Variants in SQSTM1 observed in about 807,000 individuals in gnomAD.
SQSTM1 encodes the protein sequestosome-1.
SQSTM1 carries 36 observed loss-of-function variants against 45.1 expected under a neutral mutation model. That is an observed-to-expected ratio of 0.80 (90% CI 0.61 to 1.05). SQSTM1 has a LOEUF of 1.05. Among genes scored for constraint, SQSTM1 ranks in the 50% least tolerant of loss-of-function variants. The pLI is 0.00. For synonymous variants in SQSTM1, 290 were observed against 244.3 expected, an observed-to-expected ratio of 1.19 and a Z score of -1.74; for missense variants, 617 against 607.1, an observed-to-expected ratio of 1.02 and a Z score of -0.17.
chr5:179,834,464 G>A (rs1758414736), intron 7 of SQSTM1, among the ~76,000 whole-genome samples: 1 of 151,718 alleles, frequency 6.6e-6, no homozygotes, highest in Non-Finnish European at 1.5e-5. Context: ...CTCGCAGAGG[G>A]GGATTTGGCA....
rs537749310 is a variant in SQSTM1, at chr5:179,821,636, C to T, written c.205+495C>T. 48 of 415,182 alleles carry T rather than the reference C, an allele frequency of 1.2e-4. No homozygotes were observed. In the East Asian group the frequency reaches 3.4e-3, roughly 30 times the overall value. The allele number at this position is 415,182 out of a possible 1,614,324, so 25.7% of individuals were successfully genotyped here. On this transcript the variant is annotated intron_variant, in intron 1 of 7. Transcript: ENST00000389805. ...ACGCGGGTAAACAAGCGCGGGGGTG[C>T]GGGGGACTCGCGAGCGCCGCGACAG...
chr5:179,810,774 C>T (rs962431716), intron 1 of SQSTM1, among the ~76,000 whole-genome samples: 3 of 152,216 alleles, frequency 2.0e-5, no homozygotes, highest in African/African-American at 7.2e-5. Context: ...CTCTCCAGCA[C>T]CTGTTGTTTC....
At chr5:179,814,797 T>C (rs1757531853), upstream of SQSTM1, among the ~76,000 whole-genome samples, 1 of 152,144 alleles carries the variant, frequency 6.6e-6, no homozygotes, top group Non-Finnish European at 1.5e-5. Context: ...GGCTCACGCC[T>C]CTAATCCCAG....
chr5:179,834,803 C>T (rs1484551292), intron 7 of SQSTM1, among the ~76,000 whole-genome samples: 8 of 152,246 alleles, frequency 5.3e-5, no homozygotes, highest in Non-Finnish European at 1.2e-4. Flanking sequence ...ATGTCTACTT[C>T]TTTCCACACA....
Position 179,837,021 on chromosome 5 carries a change from G to C in SQSTM1, c.*428G>C. On this transcript the variant is annotated 3_prime_UTR_variant, in exon 8 of 8. Coordinates refer to ENST00000389805, the MANE Select transcript of SQSTM1 (RefSeq NM_003900.5). ...CTGATTTTAGATAAAGTAAGCCTAGGTGTTGTCAGCAGGCAGGCTGGGGAG... is the reference window on the plus strand; with the variant it reads ...CTGATTTTAGATAAAGTAAGCCTAGCTGTTGTCAGCAGGCAGGCTGGGGAG... The C allele has an allele frequency of 3.2e-6, 2 of 627,918 alleles. No individual in the cohort carries two copies. Among genetic ancestry groups the C allele is most frequent in the Non-Finnish European group, 5.6e-6 (2 of 355,506 alleles). 38.9% of individuals were successfully genotyped at this position (627,918 alleles called of 1,614,324 possible). A position where few individuals can be genotyped will look rare whatever the true frequency, so the allele number is the denominator to read the frequency against.
intron 5 of SQSTM1, among the ~76,000 whole-genome samples, chr5:179,830,805 C>T (rs1286580722): frequency 6.6e-6 from 1 of 151,914 alleles, no homozygotes; most frequent in South Asian, 2.1e-4. Flanking sequence ...ATCTACCTGC[C>T]TTCGTCTCCC....
At chr5:179,829,988 T>C (rs72813725) in intron 5 of SQSTM1, among the ~76,000 whole-genome samples, 5,396 of 152,228 alleles carry the variant, frequency 0.035, 168 homozygotes, top group African/African-American at 0.073. Context: ...TGTGTACTTA[T>C]GGCCCCAGCT....
chr5:179,835,086 T>A, intron 7 of SQSTM1: 1 of 203,444 alleles, frequency 4.9e-6, no homozygotes, highest in South Asian at 5.5e-5. Flanking sequence ...ACCTCCCGGA[T>A]GGGGTCGCGG....
At chr5:179,816,273 C>T (rs78025137), upstream of SQSTM1, among the ~76,000 whole-genome samples, 1 of 152,158 alleles carries the variant, frequency 6.6e-6, no homozygotes, top group African/African-American at 2.4e-5. Context: ...CTCAGCCTCC[C>T]GACTAGCTGG....
chr5:179,812,093 C>G (rs1051695469), intron 2 of SQSTM1: 1 of 152,242 alleles, frequency 6.6e-6, no homozygotes, highest in South Asian at 2.1e-4. Context: ...CGTGAGCCAC[C>G]GCGCCCACCC....
In SQSTM1 at chr5:179,824,223, A is replaced by C. The variant is rs1757907900; in HGVS notation, c.573A>C (p.Gly191=). 6 of 1,613,846 alleles carry C rather than the reference A, an allele frequency of 3.7e-6. No individual in the cohort carries two copies. In the East Asian group the frequency reaches 1.3e-4, roughly 36 times the overall value. ...GCTGGCTCCGGAAGGTGAAACACGG[A>C]CACTTCGGGTGGCCAGGATGGGAAA... The part of the protein sequence containing the change: ...HSRWLRKVKH[G]HFGWPGWEMG... Residue 191 remains glycine (G), a synonymous_variant, in exon 4 of 8, where the codon GGA becomes GGC. Coordinates refer to ENST00000389805, the MANE Select transcript of SQSTM1 (RefSeq NM_003900.5).
rs761822261 is a variant in SQSTM1, at chr5:179,824,300, G to A, written c.650G>A (p.Arg217His). The change falls in exon 4 of 8, where the codon CGC becomes CAC. Residue 217 changes from arginine (R) to histidine (H), a missense_variant. Physicochemically the swap from Arg to His is conservative, Grantham distance 29. Transcript: ENST00000389805. The part of the protein sequence containing the change: ...SPRPPRAGEA[R>H]PGPTAESASG... The stretch of plus-strand genomic sequence containing the variant: ...CGTCCTCCTCGTGCAGGGGAGGCCC[G>A]CCCTGGCCCCACGGCAGAATCAGGT... 1.8e-5 allele frequency: 29 copies of A among 1,613,398 alleles called. No individual in the cohort carries two copies. The highest frequency in any genetic ancestry group is 7.7e-5 in the South Asian group (7 of 91,078).
chr5:179,821,044 G>C lies in SQSTM1; in HGVS notation c.108G>C (p.Glu36Asp). 1 of 1,543,374 alleles carries C rather than the reference G, an allele frequency of 6.5e-7. No individual in the cohort carries two copies. Among genetic ancestry groups the C allele is most frequent in the Non-Finnish European group, 8.7e-7 (1 of 1,154,000 alleles). ...CCSPEPEAEAEAAAGPGPCER... is the reference protein window; with the variant it reads ...CCSPEPEAEADAAAGPGPCER... ...GCCCCGAGCCTGAGGCGGAAGCCGAGGCTGCGGCGGGTCCGGGACCCTGCG... is the reference window on the plus strand; with the variant it reads ...GCCCCGAGCCTGAGGCGGAAGCCGACGCTGCGGCGGGTCCGGGACCCTGCG... The change falls in exon 1 of 8, where the codon GAG becomes GAC. Residue 36 changes from glutamate (E) to aspartate (D), a missense_variant. Glu to Asp is a conservative substitution (Grantham distance 45). Coordinates refer to ENST00000389805, the MANE Select transcript of SQSTM1 (RefSeq NM_003900.5).
rs561073025 is a variant in SQSTM1, at chr5:179,806,663, A to AGGCGGCGGCGGC, written c.-157+79_-157+90dup. 2 of 582,916 alleles carry AGGCGGCGGCGGC rather than the reference A, an allele frequency of 3.4e-6. No individual in the cohort carries two copies. Among genetic ancestry groups the AGGCGGCGGCGGC allele is most frequent in the Admixed American group, 7.1e-5 (1 of 14,024 alleles). The allele number at this position is 582,916 out of a possible 1,614,324, so 36.1% of individuals were successfully genotyped here. The stretch of plus-strand genomic sequence containing the variant: ...CCGGGGCCGGGGCGCAGGGGTCGGA[A>AGGCGGCGGCGGC]GGCGGCGGCGGCGGCGGCAGGGGCC... On this transcript the variant is annotated intron_variant, in intron 1 of 5. Coordinates refer to the SQSTM1 transcript ENST00000514093. This position sits in a 1 kb window ranked among gnomAD's most constrained non-coding sequence, Gnocchi z 4.6.
intron 1 of SQSTM1, chr5:179,821,473 G>A (rs1297961111): frequency 1.8e-6 from 1 of 558,748 alleles, no homozygotes; most frequent in African/African-American, 1.9e-5. Context: ...GGACGCGCCG[G>A]GGCGAACGCT....
At chr5:179,822,920 C>T (rs772185005) in intron 1 of SQSTM1, 38 bp from the exon 2 acceptor site, 10 of 1,586,940 alleles carry the variant, frequency 6.3e-6, no homozygotes, top group African/African-American at 4.0e-5. Flanking sequence ...CAGCTGAGAA[C>T]CCCTGGGTGC....
chr5:179,807,405 G>A (rs1757220883), intron 1 of SQSTM1: 1 of 152,412 alleles, frequency 6.6e-6, no homozygotes, highest in Admixed American at 6.5e-5. Flanking sequence ...GGCGCGCAGG[G>A]GCCCGGGAGG....
At chr5:179,811,249 C>T (rs896954509) in intron 1 of SQSTM1, among the ~76,000 whole-genome samples, 1 of 151,212 alleles carries the variant, frequency 6.6e-6, no homozygotes, top group South Asian at 2.1e-4. Flanking sequence ...AAAAAGAGGT[C>T]CAGGAGAAAC....
rs528070897 is a variant in SQSTM1 at position 179,823,935 on chromosome 5, A to G, written c.379A>G (p.Ile127Val). ...CCGCAACATGGTGCACCCCAATGTG[A>G]TCTGCGATGGCTGCAATGGGCCTGT... ...APRNMVHPNV[I>V]CDGCNGPVVG... is the part of the protein sequence containing the mutation. The change falls in exon 3 of 8, where the codon ATC becomes GTC. Residue 127 changes from isoleucine (I) to valine (V), a missense_variant. Ile to Val is a conservative substitution (Grantham distance 29). Coordinates refer to ENST00000389805, the MANE Select transcript of SQSTM1 (RefSeq NM_003900.5). 5 of 1,613,896 alleles carry G rather than the reference A, an allele frequency of 3.1e-6. No homozygotes were observed. In the South Asian group the frequency reaches 4.4e-5, roughly 14 times the overall value.
Sources: allele counts gnomAD v4.1 joint callset (sites outside exome capture counted in the v4.1 genomes callset), GRCh38; gene constraint gnomAD v4.1.1; non-coding constraint Gnocchi (gnomAD v3.1); transcripts MANE v1.5; gene names NCBI Gene and HGNC (gene_info 2026-07-23, HGNC 2026-07-21).